AGPAT5: variants seen among roughly 807,000 people sequenced by gnomAD.
The protein encoded by AGPAT5 is 1-acyl-sn-glycerol-3-phosphate acyltransferase epsilon.
A neutral mutation model predicts 45.6 loss-of-function variants in AGPAT5; 46 were observed. The ratio of observed to expected loss-of-function variants is 1.01; its 90% CI spans 0.80 to 1.29. AGPAT5 has a LOEUF of 1.29. Ranked by LOEUF, AGPAT5 falls within the 50% of genes most tolerant of loss-of-function variation. The pLI is 0.00. For missense variants in AGPAT5, 673 were observed against 450.7 expected, an observed-to-expected ratio of 1.49 and a Z score of -4.47; for synonymous variants, 272 against 167.0, an observed-to-expected ratio of 1.63 and a Z score of -4.85.
At chr8:6,744,858 C>G (rs1020970581) in intron 5 of AGPAT5, among the ~76,000 whole-genome samples, 1 of 152,212 alleles carries the variant, frequency 6.6e-6, no homozygotes, top group South Asian at 2.1e-4. Context: ...CCTGCCTTTC[C>G]TCAGCCCTTG....
At chr8:6,720,098 T>C (rs114020050) in intron 1 of AGPAT5, among the ~76,000 whole-genome samples, 1 of 152,256 alleles carries the variant, frequency 6.6e-6, no homozygotes, top group Admixed American at 6.5e-5. Context: ...TATGATGTAG[T>C]GGAAGAAGTG....
chr8:6,744,164 AG>A (rs1452527444), intron 5 of AGPAT5, among the ~76,000 whole-genome samples: 2 of 152,242 alleles, frequency 1.3e-5, no homozygotes, highest in East Asian at 3.8e-4. Context: ...GACATAAACT[AG>A]AAAAATGGGA....
At chr8:6,735,077 G>T (rs1587034060) in intron 4 of AGPAT5, among the ~76,000 whole-genome samples, 1 of 152,120 alleles carries the variant, frequency 6.6e-6, no homozygotes, top group South Asian at 2.1e-4. Context: ...AGAATCTCAG[G>T]GGTGGAGCCT....
chr8:6,716,762 G>C (rs1238711310), intron 1 of AGPAT5, among the ~76,000 whole-genome samples: 1 of 152,156 alleles, frequency 6.6e-6, no homozygotes, highest in Non-Finnish European at 1.5e-5. Context: ...GAGCCCAGGA[G>C]ACAGAGGTTG....
At chr8:6,719,604 C>G (rs934790502) in intron 1 of AGPAT5, among the ~76,000 whole-genome samples, 1 of 152,196 alleles carries the variant, frequency 6.6e-6, no homozygotes, top group African/African-American at 2.4e-5. Flanking sequence ...TCAGCACAAG[C>G]TAATAGCATC....
intron 1 of AGPAT5, chr8:6,709,597 C>G (rs1330186600): frequency 6.6e-6 from 1 of 151,020 alleles, no homozygotes; most frequent in East Asian, 1.9e-4. Context: ...TCTTTTATTT[C>G]TCAGTTTGAA....
At chr8:6,746,705 T>C (rs1801479223) in intron 5 of AGPAT5, among the ~76,000 whole-genome samples, 1 of 152,190 alleles carries the variant, frequency 6.6e-6, no homozygotes, top group African/African-American at 2.4e-5. Flanking sequence ...TTAAAACCTC[T>C]TGTGTGGGAC....
intron 1 of AGPAT5, 28 bp downstream of exon 1, chr8:6,708,915 G>C: frequency 6.3e-7 from 1 of 1,583,756 alleles, no homozygotes; most frequent in Non-Finnish European, 8.6e-7. Context: ...CCCGGGTCTC[G>C]GCGTCCACCC....
chr8:6,723,312 T>C (rs1467066465), intron 1 of AGPAT5, among the ~76,000 whole-genome samples: 1 of 152,182 alleles, frequency 6.6e-6, no homozygotes, highest in African/African-American at 2.4e-5. Flanking sequence ...TGGATGCTCC[T>C]GAAGGAGTGT....
At position 6,755,141 on chromosome 8, in the gene AGPAT5, G is replaced by C. The variant is rs771547871; in HGVS notation, c.836G>C (p.Arg279Thr). ...DVPEEQEHMR[R>T]WLHERFEIKD... is the part of the protein sequence containing the mutation. ...CCAGAAGAACAAGAACATATGAGAA[G>C]ATGGCTGCATGAACGTTTCGAAATC... Residue 279 changes from arginine to threonine, a missense_variant, in exon 7 of 8, where the codon AGA becomes ACA. By Grantham distance (71) the Arg-to-Thr change is moderately conservative (BLOSUM62 -1). Transcript: ENST00000285518. 1 of 1,607,796 alleles carries C rather than the reference G, an allele frequency of 6.2e-7. No homozygotes were observed. The highest frequency in any genetic ancestry group is 8.5e-7 in the Non-Finnish European group (1 of 1,178,930).
intron 1 of AGPAT5, chr8:6,709,145 C>G (rs888877634): frequency 2.0e-5 from 11 of 560,536 alleles, no homozygotes; most frequent in African/African-American, 1.9e-4. Context: ...TCGCCTGGGT[C>G]TGATGCTGCT....
chr8:6,746,728 T>TA (rs1461699380), intron 5 of AGPAT5, among the ~76,000 whole-genome samples: 1 of 152,184 alleles, frequency 6.6e-6, no homozygotes, highest in African/African-American at 2.4e-5. Context: ...TCCCACCATG[T>TA]AATAGCTGTT....
intron 1 of AGPAT5, among the ~76,000 whole-genome samples, chr8:6,712,448 T>G (rs1023552610): frequency 6.6e-6 from 1 of 152,194 alleles, no homozygotes; most frequent in Non-Finnish European, 1.5e-5. Context: ...CAATTAATTA[T>G]GTATGATGTG....
rs1010424070 is a variant in AGPAT5, at chr8:6,758,795, T to G, written c.*1407T>G. On this transcript the variant is annotated 3_prime_UTR_variant, in exon 8 of 8. Coordinates refer to ENST00000285518, the MANE Select transcript of AGPAT5 (RefSeq NM_018361.5). ...GAACTGTTCTATTTTTGTGTTATAA[T>G]TTAAACTTCGATTTCCTCATAGTCC... is the stretch of plus-strand genomic sequence containing the variant. 5 of 152,662 alleles carry G rather than the reference T, an allele frequency of 3.3e-5. No individual in the cohort carries two copies. Among genetic ancestry groups the G allele is most frequent in the African/African-American group, 1.2e-4 (5 of 41,460 alleles). 9.5% of individuals were successfully genotyped at this position (152,662 alleles called of 1,614,324 possible). A position where few individuals can be genotyped will look rare whatever the true frequency, so the allele number is the denominator to read the frequency against.
At chr8:6,729,600 A>G (rs1345313555) in intron 2 of AGPAT5, among the ~76,000 whole-genome samples, 1 of 152,132 alleles carries the variant, frequency 6.6e-6, no homozygotes, top group Non-Finnish European at 1.5e-5. Flanking sequence ...TAAGACCTGT[A>G]TCATTTGTCT....
At chr8:6,729,911 T>TC (rs1800806772) in intron 2 of AGPAT5, among the ~76,000 whole-genome samples, 1 of 152,218 alleles carries the variant, frequency 6.6e-6, no homozygotes, top group Non-Finnish European at 1.5e-5. Flanking sequence ...CTACCCAGCA[T>TC]CATTGTAAGG....
In AGPAT5 at chr8:6,759,249, G is replaced by C. The variant is rs1801950915; in HGVS notation, c.*1861G>C. The C allele has an allele frequency of 6.6e-6, 1 of 152,108 alleles. No homozygotes were observed. Among genetic ancestry groups the C allele is most frequent in the Admixed American group, 6.6e-5 (1 of 15,262 alleles). 9.4% of individuals were successfully genotyped at this position (152,108 alleles called of 1,614,324 possible). A position where few individuals can be genotyped will look rare whatever the true frequency, so the allele number is the denominator to read the frequency against. The stretch of plus-strand genomic sequence containing the variant: ...TGGGTATGTTCTAAATTTGAACTTT[G>C]AGAGGCAATACTGTTGGAATTATGT... On this transcript the variant is annotated 3_prime_UTR_variant, in exon 8 of 8. Coordinates refer to ENST00000285518, the MANE Select transcript of AGPAT5 (RefSeq NM_018361.5).
At chr8:6,740,485 TA>T (rs1243612854) in intron 4 of AGPAT5, among the ~76,000 whole-genome samples, 1 of 148,088 alleles carries the variant, frequency 6.8e-6, no homozygotes, top group East Asian at 1.9e-4. Flanking sequence ...AATTATTGTT[TA>T]ATAATAATAT....
chr8:6,755,183 C>G lies in AGPAT5; in HGVS notation c.869+9C>G. 2 of 1,593,178 alleles carry G rather than the reference C, an allele frequency of 1.3e-6. No homozygotes were observed. Among genetic ancestry groups the G allele is most frequent in the Non-Finnish European group, 1.7e-6 (2 of 1,175,902 alleles). On this transcript the variant is annotated intron_variant, in intron 7 of 7. Coordinates refer to ENST00000285518, the MANE Select transcript of AGPAT5 (RefSeq NM_018361.5). ...TTCGAAATCAAAGATAAGTGAGTAA[C>G]AACAGTTCCAGCACTTCCGGAACTT...
Sources: allele counts gnomAD v4.1 joint callset (sites outside exome capture counted in the v4.1 genomes callset), GRCh38; gene constraint gnomAD v4.1.1; transcripts MANE v1.5; gene names NCBI Gene and HGNC (gene_info 2026-07-23, HGNC 2026-07-21).